The following RNF6 variants were observed in gnomAD, a reference collection of about 807,000 sequenced individuals.
The protein encoded by RNF6 is ring finger protein 6.
A neutral mutation model predicts 50.1 loss-of-function variants in RNF6; 21 were observed. That is an observed-to-expected ratio of 0.42 (90% CI 0.30 to 0.60). The LOEUF (loss-of-function observed/expected upper bound fraction) is 0.60, where lower values mean the gene tolerates loss of function less well. Ranked by LOEUF, RNF6 falls within the 20% of genes least tolerant of loss-of-function variation. The probability of loss-of-function intolerance (pLI) is 0.20; values close to 1 mark genes in which losing one functional copy is unlikely to be tolerated. For synonymous variants in RNF6, 255 were observed against 291.8 expected (o/e 0.87, Z 1.29); for missense variants, 698 against 838.2 (o/e 0.83, Z 2.07).
intron 5 of RNF6, among the ~76,000 whole-genome samples, chr13:26,148,358 T>G (rs1344046508): frequency 6.6e-6 from 1 of 151,938 alleles, no homozygotes; most frequent in Non-Finnish European, 1.5e-5. Context: ...GATCCTTGCT[T>G]CTTATAAGTG....
Position 26,190,150 on chromosome 13 carries a change from G to A in RNF6, n.768+25324C>T, listed in dbSNP as rs77548022. On this transcript the variant is annotated intron_variant and non_coding_transcript_variant, in intron 5 of 5. Coordinates refer to the RNF6 transcript ENST00000468480. ...ATGTGGTTTGTGGCCCTCTTCCTCC[G>A]TCTTCAAAGCCAGCAATGTTGCATC... is the stretch of plus-strand genomic sequence containing the variant. 6.8e-4 allele frequency among the ~76,000 whole-genome samples: 104 copies of A among 152,054 alleles called. 1 individual carries two copies. The East Asian group carries it at 0.017, about 25-fold the overall frequency.
chr13:26,158,988 A>G (rs1193256700), intron 5 of RNF6, among the ~76,000 whole-genome samples: 3 of 152,180 alleles, frequency 2.0e-5, no homozygotes, highest in Admixed American at 2.0e-4. Flanking sequence ...TATTATTAAT[A>G]TTTGAATATT....
At chr13:26,189,945 T>C (rs978977285) in intron 5 of RNF6, among the ~76,000 whole-genome samples, 2 of 152,204 alleles carry the variant, frequency 1.3e-5, no homozygotes, top group African/African-American at 4.8e-5. Flanking sequence ...ACTGTATTCA[T>C]TTTCCACAAA....
rs990352333 is a variant in RNF6 at position 26,213,495 on chromosome 13, T to C, written c.*329A>G. The C allele has an allele frequency of 2.2e-5, 4 of 179,018 alleles. No homozygotes were observed. Among genetic ancestry groups the C allele is most frequent in the African/African-American group, 9.5e-5 (4 of 42,198 alleles). 11.1% of individuals were successfully genotyped at this position (179,018 alleles called of 1,614,324 possible). A position where few individuals can be genotyped will look rare whatever the true frequency, so the allele number is the denominator to read the frequency against. On this transcript the variant is annotated 3_prime_UTR_variant, in exon 5 of 5. Coordinates refer to ENST00000381588, the MANE Select transcript of RNF6 (RefSeq NM_005977.4). ...CTTGAAGCTAAAGTCTGCTGTACTA[T>C]TAAGAAAAAGAAGATTGATTCTTAA...
chr13:26,187,214 G>T (rs1215562493), intron 5 of RNF6, among the ~76,000 whole-genome samples: 1 of 147,198 alleles, frequency 6.8e-6, no homozygotes, highest in Non-Finnish European at 1.5e-5. Context: ...TCTGCTCCTG[G>T]CTGCGACGTG....
chr13:26,133,751 C>T (rs1870509123), intron 5 of RNF6, among the ~76,000 whole-genome samples: 1 of 152,090 alleles, frequency 6.6e-6, no homozygotes, highest in African/African-American at 2.4e-5. Context: ...TTGTTTCAGG[C>T]ATGTTTGTAA....
Position 26,215,323 on chromosome 13 carries a change from G to C in RNF6, c.559C>G (p.Gln187Glu). 6.2e-7 allele frequency: 1 copy of C among 1,614,184 alleles called. No individual in the cohort carries two copies. Among genetic ancestry groups the C allele is most frequent in the East Asian group, 2.2e-5 (1 of 44,888 alleles). The change falls in exon 5 of 5, where the codon CAA (glutamine) becomes GAA (glutamate). Residue 187 changes from glutamine to glutamate, a missense_variant. Physicochemically the swap from Gln to Glu is conservative, Grantham distance 29. Transcript: ENST00000381588. ...CTAGCCACAGGACTAGTTGACCTTT[G>C]TTGCCTATTTGCAGTATGATCTCTG... ...SNRDHTANRQQRSTSPVARRT... is the reference protein window; with the variant it reads ...SNRDHTANRQERSTSPVARRT...
intron 5 of RNF6, among the ~76,000 whole-genome samples, chr13:26,159,367 G>A: frequency 6.6e-6 from 1 of 152,158 alleles, no homozygotes; most frequent in East Asian, 1.9e-4. Flanking sequence ...GCTCACGCCT[G>A]TAATCCCAGC....
rs570595050 is a variant in RNF6, at chr13:26,189,445, A to G, written n.768+26029T>C. Among the ~76,000 whole-genome samples, 5 of 152,352 alleles carry G rather than the reference A, an allele frequency of 3.3e-5. 1 individual carries two copies. Among genetic ancestry groups the G allele is most frequent in the African/African-American group, 1.2e-4 (5 of 41,592 alleles). On this transcript the variant is annotated intron_variant and non_coding_transcript_variant, in intron 5 of 5. Coordinates refer to the RNF6 transcript ENST00000468480. ...TTGGAATAAACCTATCAATGGCTAC[A>G]TTTTTTGTTTATGTATATCTGTGTT...
At chr13:26,157,918 G>GGATA (rs1566413033) in intron 5 of RNF6, among the ~76,000 whole-genome samples, 2 of 149,604 alleles carry the variant, frequency 1.3e-5, no homozygotes, top group Non-Finnish European at 1.5e-5. Context: ...ATGGATGGAT[G>GGATA]GATGGATAGA....
intron 5 of RNF6, among the ~76,000 whole-genome samples, chr13:26,177,312 A>G (rs1172448757): frequency 6.6e-6 from 1 of 152,148 alleles, no homozygotes; most frequent in Non-Finnish European, 1.5e-5. Context: ...CTCAGTAGAA[A>G]CTGGCTGCCA....
chr13:26,186,903 G>T (rs1873576020), intron 5 of RNF6, among the ~76,000 whole-genome samples: 1 of 151,858 alleles, frequency 6.6e-6, no homozygotes, highest in Admixed American at 6.6e-5. Flanking sequence ...TCAGCCTCCC[G>T]AGTAGCTGGG....
intron 5 of RNF6, among the ~76,000 whole-genome samples, chr13:26,174,553 G>A (rs1256422933): frequency 2.0e-5 from 3 of 151,676 alleles, no homozygotes; most frequent in Non-Finnish European, 4.4e-5. Context: ...CTACTCAGAG[G>A]CCCAGAGGCT....
intron 5 of RNF6, among the ~76,000 whole-genome samples, chr13:26,149,847 C>T (rs1871456502): frequency 7.0e-6 from 1 of 142,708 alleles, no homozygotes; most frequent in Admixed American, 7.2e-5. Context: ...CACACATACA[C>T]AGTGTATATA....
rs752966248 is a variant in RNF6, at chr13:26,218,529, C to T, written c.271G>A (p.Asp91Asn). ...ATAGTACCTCTGTAATTCGTTCCAT[C>T]TCTCAAGTCAGGCTGAGATGCTAGT... ...EQLASQPDLR[D>N]GTNYRDSEVP... The change falls in exon 4 of 5, where the codon GAT (aspartate) becomes AAT (asparagine). Residue 91 changes from aspartate to asparagine, a missense_variant. Coordinates refer to ENST00000381588, the MANE Select transcript of RNF6 (RefSeq NM_005977.4). 1.9e-6 allele frequency: 3 copies of T among 1,613,780 alleles called. No individual in the cohort carries two copies. The South Asian group carries it at 3.3e-5, about 18-fold the overall frequency.
At chr13:26,172,546 C>CT (rs56159536) in intron 5 of RNF6, among the ~76,000 whole-genome samples, 131 of 143,602 alleles carry the variant, frequency 9.1e-4, no homozygotes, top group African/African-American at 2.8e-3. Flanking sequence ...TAGAATATAT[C>CT]TTTTTTTTTT....
At chr13:26,183,079 C>A (rs552946926) in intron 5 of RNF6, among the ~76,000 whole-genome samples, 102 of 152,298 alleles carry the variant, frequency 6.7e-4, no homozygotes, top group Middle Eastern at 6.8e-3. Context: ...CCCAGTTTAG[C>A]CTCTGCTGAA....
chr13:26,133,512 A>G (rs1486865520), intron 5 of RNF6, among the ~76,000 whole-genome samples: 1 of 152,144 alleles, frequency 6.6e-6, no homozygotes, highest in Non-Finnish European at 1.5e-5. Flanking sequence ...CACGTTTGTC[A>G]GTCTGTTTCC....
chr13:26,184,687 CATA>C (rs941599719), intron 5 of RNF6, among the ~76,000 whole-genome samples: 5 of 152,170 alleles, frequency 3.3e-5, no homozygotes, highest in African/African-American at 1.2e-4. Flanking sequence ...TTTCCTGGTC[CATA>C]ATGACTGCAC....
Sources: gnomAD v4.1 joint callset for allele counts (sites outside exome capture counted in the v4.1 genomes callset) on GRCh38, gnomAD v4.1.1 for gene constraint, MANE v1.5 for transcripts, NCBI Gene and HGNC (gene_info 2026-07-23, HGNC 2026-07-21) for gene names.